RORA: variants seen among roughly 807,000 people sequenced by gnomAD.
The protein encoded by RORA is RAR related orphan receptor A, also known as nuclear receptor ROR-alpha.
A neutral mutation model predicts 69.5 loss-of-function variants in RORA; 7 were observed. That is an observed-to-expected ratio of 0.10 (90% CI 0.06 to 0.19). The LOEUF is 0.19. Among genes scored for constraint, RORA ranks in the 10% least tolerant of loss-of-function variants. The probability of loss-of-function intolerance (pLI) is 1.00; values close to 1 mark genes in which losing one functional copy is unlikely to be tolerated. For synonymous variants in RORA, 261 were observed against 240.8 expected, an observed-to-expected ratio of 1.08 and a Z score of -0.78; for missense variants, 457 against 663.0, an observed-to-expected ratio of 0.69 and a Z score of 3.41.
At position 61,229,080 on chromosome 15, in the gene RORA, T is replaced by G; in HGVS notation, c.139A>C (p.Arg47=). 6.5e-7 allele frequency: 1 copy of G among 1,536,594 alleles called. No homozygotes were observed. The highest frequency in any genetic ancestry group is 8.8e-7 in the Non-Finnish European group (1 of 1,141,974). ...CTGCTGGTGCTGGAATAGCTCTGTC[T>G]GCGCACCGGGGCAGGCGGCTCGCTC... ...RKSEPPAPVR[R]QSYSSTSRGI... The change falls in exon 1 of 11, where the codon AGA becomes CGA. Residue 47 remains arginine (R), a synonymous_variant. Coordinates refer to ENST00000335670, the MANE Select transcript of RORA (RefSeq NM_134261.3).
At chr15:60,520,818 C>T (rs1390660368) in intron 3 of RORA, among the ~76,000 whole-genome samples, 1 of 152,142 alleles carries the variant, frequency 6.6e-6, no homozygotes, top group Non-Finnish European at 1.5e-5. Context: ...TAACAAATTA[C>T]TTGGCTGTCA....
At chr15:60,514,478 G>A (rs1043555419) in intron 4 of RORA, 138 bp downstream of exon 4, 2 of 780,852 alleles carry the variant, frequency 2.6e-6, no homozygotes, top group Non-Finnish European at 4.2e-6. Flanking sequence ...AGCTGCCAGA[G>A]GAGCATGGGG....
At chr15:60,803,951 A>G (rs1164937176) in intron 1 of RORA, among the ~76,000 whole-genome samples, 1 of 151,984 alleles carries the variant, frequency 6.6e-6, no homozygotes, top group African/African-American at 2.4e-5. Context: ...CTCTCTTCCA[A>G]ATATGTCAGG....
chr15:60,952,377 G>T (rs1292342104), intron 1 of RORA, among the ~76,000 whole-genome samples: 1 of 152,098 alleles, frequency 6.6e-6, no homozygotes, highest in Non-Finnish European at 1.5e-5. Flanking sequence ...TTGAAAACTG[G>T]CACAAGACAG....
chr15:60,828,458 G>A (rs2072995495), intron 1 of RORA, among the ~76,000 whole-genome samples: 2 of 152,184 alleles, frequency 1.3e-5, no homozygotes, highest in African/African-American at 4.8e-5. Context: ...TGCACGTAAA[G>A]TCTGGATTTA....
intron 1 of RORA, among the ~76,000 whole-genome samples, chr15:60,975,220 G>A (rs569224474): frequency 3.9e-5 from 6 of 152,198 alleles, no homozygotes; most frequent in South Asian, 2.1e-4. Context: ...GGAGCAAGTC[G>A]CCTGGGCAGG....
intron 3 of RORA, 38 bp from the exon 4 acceptor site, chr15:60,514,795 C>T (rs2065810331): frequency 1.3e-6 from 2 of 1,573,212 alleles, no homozygotes; most frequent in Non-Finnish European, 1.7e-6. Context: ...AGGTTAGTGT[C>T]AGAATGAGTG....
chr15:60,527,039 A>C (rs76330245), intron 3 of RORA, among the ~76,000 whole-genome samples: 2 of 152,370 alleles, frequency 1.3e-5, no homozygotes, highest in East Asian at 1.9e-4. Flanking sequence ...GAAGCTTTGA[A>C]TAAGACATCA....
rs1018771303 is a variant in RORA at position 60,489,174 on chromosome 15, T to G, written c.*8281A>C. Reference sequence around the variant, plus strand: ...TGATGTGATTTATATTAAAAGAGATTTCTCCCTCAACTGTAGCCAATCCAC... The same window carrying G: ...TGATGTGATTTATATTAAAAGAGATGTCTCCCTCAACTGTAGCCAATCCAC... On this transcript the variant is annotated 3_prime_UTR_variant, in exon 11 of 11. Transcript: ENST00000335670. 18 of 152,226 alleles carry G rather than the reference T, an allele frequency of 1.2e-4. No individual in the cohort carries two copies. The highest frequency in any genetic ancestry group is 3.9e-4 in the African/African-American group (16 of 41,464). The allele number at this position is 152,226 out of a possible 1,614,324, so 9.4% of individuals were successfully genotyped here. A position where few individuals can be genotyped will look rare whatever the true frequency, so the allele number is the denominator to read the frequency against.
chr15:61,081,764 C>T (rs1030487563), intron 1 of RORA, among the ~76,000 whole-genome samples: 2 of 149,444 alleles, frequency 1.3e-5, no homozygotes, highest in Non-Finnish European at 1.5e-5. Flanking sequence ...GCCGAGATCA[C>T]GCCACCGCAC....
intron 1 of RORA, among the ~76,000 whole-genome samples, chr15:61,046,595 G>A (rs1897040563): frequency 6.6e-6 from 1 of 152,162 alleles, no homozygotes. Flanking sequence ...TGATCCCCAG[G>A]TCCCTATACC....
intron 1 of RORA, among the ~76,000 whole-genome samples, chr15:60,918,460 G>A (rs1479800023): frequency 6.6e-6 from 1 of 152,162 alleles, no homozygotes; most frequent in Non-Finnish European, 1.5e-5. Context: ...CACACGGCAG[G>A]ATAATTTGCA....
At chr15:60,722,869 C>T (rs1280030878) in intron 1 of RORA, among the ~76,000 whole-genome samples, 1 of 152,194 alleles carries the variant, frequency 6.6e-6, no homozygotes. Flanking sequence ...CCACGTCTCA[C>T]AAACACCAAG....
At chr15:60,621,523 A>T (rs1323944293) in intron 2 of RORA, among the ~76,000 whole-genome samples, 1 of 152,170 alleles carries the variant, frequency 6.6e-6, no homozygotes, top group African/African-American at 2.4e-5. Context: ...GGCTTTGAAG[A>T]ATGACTCCAG....
intron 4 of RORA, among the ~76,000 whole-genome samples, chr15:60,513,101 A>G (rs752376376): frequency 1.3e-5 from 2 of 152,214 alleles, no homozygotes; most frequent in Non-Finnish European, 2.9e-5. Context: ...CAGGTGGTGA[A>G]TTCTTTTCTT....
intron 1 of RORA, among the ~76,000 whole-genome samples, chr15:61,044,270 C>T (rs963909951): frequency 2.6e-5 from 4 of 152,194 alleles, no homozygotes; most frequent in Non-Finnish European, 4.4e-5. Context: ...GAGGAGGCCA[C>T]GTGGCCCTGT....
intron 2 of RORA, among the ~76,000 whole-genome samples, chr15:60,643,973 C>T (rs1281326835): frequency 1.3e-5 from 2 of 152,004 alleles, no homozygotes; most frequent in Non-Finnish European, 2.9e-5. Flanking sequence ...ACCAAAGTGA[C>T]TTTGGGAATG....
At chr15:60,818,559 G>A (rs971818467) in intron 1 of RORA, among the ~76,000 whole-genome samples, 1 of 152,196 alleles carries the variant, frequency 6.6e-6, no homozygotes, top group East Asian at 1.9e-4. Flanking sequence ...CCAGGATGAA[G>A]TGTTCTTCCT....
At chr15:60,527,675 A>G (rs1646519627) in intron 3 of RORA, among the ~76,000 whole-genome samples, 1 of 152,252 alleles carries the variant, frequency 6.6e-6, no homozygotes, top group Admixed American at 6.5e-5. Context: ...CAGTGCCAAT[A>G]CATTGTTCCC....
Sources: allele counts gnomAD v4.1 joint callset (sites outside exome capture counted in the v4.1 genomes callset), GRCh38; gene constraint gnomAD v4.1.1; transcripts MANE v1.5; gene names NCBI Gene and HGNC (gene_info 2026-07-23, HGNC 2026-07-21).